LATS2: variants seen among roughly 807,000 people sequenced by gnomAD.
LATS2 encodes the protein large tumor suppressor kinase 2.
A neutral mutation model predicts 76.0 loss-of-function variants in LATS2; 24 were observed. The ratio of observed to expected loss-of-function variants is 0.32; its 90% confidence interval spans 0.23 to 0.44. The LOEUF is 0.44. LATS2 is among the 20% of genes least tolerant of loss of function. The probability of loss-of-function intolerance (pLI) is 1.00; values close to 1 mark genes in which losing one functional copy is unlikely to be tolerated. For synonymous variants in LATS2, 692 were observed against 635.4 expected (o/e 1.09, Z -1.34); for missense variants, 1,286 against 1,481.2 (o/e 0.87, Z 2.16).
At chr13:21,008,315 A>G (rs1002149424) in intron 2 of LATS2, among the ~76,000 whole-genome samples, 1 of 151,526 alleles carries the variant, frequency 6.6e-6, no homozygotes, top group East Asian at 2.0e-4. Flanking sequence ...TTGCTGCTCC[A>G]GACTACAGCC....
At chr13:20,996,192 C>T (rs1208625728) in intron 2 of LATS2, among the ~76,000 whole-genome samples, 1 of 152,102 alleles carries the variant, frequency 6.6e-6, no homozygotes, top group Non-Finnish European at 1.5e-5. Context: ...TCATCAGTGA[C>T]CACTCCATGC....
At chr13:21,023,675 A>C (rs1344894454) in intron 2 of LATS2, among the ~76,000 whole-genome samples, 8 of 24,030 alleles carry the variant, frequency 3.3e-4, no homozygotes, top group South Asian at 2.1e-3. Flanking sequence ...AAAAAAAAAA[A>C]AAAAAAAACA....
chr13:20,992,827 G>C (rs1870564167), intron 2 of LATS2, among the ~76,000 whole-genome samples: 1 of 152,096 alleles, frequency 6.6e-6, no homozygotes, highest in South Asian at 2.1e-4. Flanking sequence ...AAGAGGTCAA[G>C]AGATCGAGAC....
intron 2 of LATS2, among the ~76,000 whole-genome samples, chr13:21,001,874 G>A (rs547008923): frequency 6.0e-5 from 9 of 150,406 alleles, no homozygotes; most frequent in South Asian, 2.2e-4. Flanking sequence ...GTGAGACTCC[G>A]TCTCAAAAAA....
At chr13:20,983,110 CAG>C (rs1466972090) in intron 5 of LATS2, 112 bp downstream of exon 5, 2 of 651,904 alleles carry the variant, frequency 3.1e-6, no homozygotes, top group Non-Finnish European at 5.3e-6. Context: ...AATGGAGTGA[CAG>C]ATAAAAATTT....
At chr13:21,043,084 A>G (rs1413280352) in intron 2 of LATS2, among the ~76,000 whole-genome samples, 5 of 152,298 alleles carry the variant, frequency 3.3e-5, no homozygotes, top group African/African-American at 1.2e-4. Context: ...CTGTAATCCC[A>G]GCACCTTGGG....
intron 2 of LATS2, among the ~76,000 whole-genome samples, chr13:21,044,356 T>C (rs937932969): frequency 6.6e-6 from 1 of 152,222 alleles, no homozygotes; most frequent in African/African-American, 2.4e-5. Flanking sequence ...ACCAGGAGTA[T>C]GTAATTAGGT....
chr13:21,056,122 T>C (rs1400423338), intron 1 of LATS2, among the ~76,000 whole-genome samples: 1 of 152,226 alleles, frequency 6.6e-6, no homozygotes, highest in Non-Finnish European at 1.5e-5. Context: ...AGGTCTCACC[T>C]AGGTAGAATT....
chr13:21,011,510 C>T (rs1871591586), intron 2 of LATS2, among the ~76,000 whole-genome samples: 1 of 152,218 alleles, frequency 6.6e-6, no homozygotes, highest in Non-Finnish European at 1.5e-5. Context: ...TCCAGCAACA[C>T]TTTCTCTGAG....
chr13:21,043,246 G>C (rs565333184), intron 2 of LATS2, among the ~76,000 whole-genome samples: 155 of 151,106 alleles, frequency 1.0e-3, no homozygotes, highest in Non-Finnish European at 2.0e-3. Context: ...GCTGAGGCAG[G>C]AGAATCACTT....
At position 20,979,678 on chromosome 13, in the gene LATS2, C is replaced by T. The variant is rs1381946203; in HGVS notation, c.2772+13G>A. ...GTCTACAGCAAGCAGATGCGTGGTT[C>T]CTCTCACATTACCTTCAGCTGGGTT... On this transcript the variant is annotated intron_variant, in intron 7 of 7. Transcript: ENST00000382592. 1 of 1,483,944 alleles carries T rather than the reference C, an allele frequency of 6.7e-7. No homozygotes were observed. Among genetic ancestry groups the T allele is most frequent in the Non-Finnish European group, 9.4e-7 (1 of 1,062,464 alleles). 91.9% of individuals were successfully genotyped at this position (1,483,944 alleles called of 1,614,324 possible).
chr13:20,975,398 T>C (rs1361823536), intron 7 of LATS2, 34 bp from the exon 8 acceptor site: 7 of 1,520,092 alleles, frequency 4.6e-6, no homozygotes, highest in Non-Finnish European at 6.2e-6. Flanking sequence ...GGTTAGTTTC[T>C]CCTCACATCT....
chr13:20,990,461 A>ATTTTTTTTTTTTTTTTTTTT (rs35074574), intron 3 of LATS2, among the ~76,000 whole-genome samples: 1 of 94,522 alleles, frequency 1.1e-5, no homozygotes, highest in African/African-American at 4.1e-5. Flanking sequence ...AATTACTAGG[A>ATTTTTTTTTTTTTTTTTTTT]TTTTTTTTTT....
intron 4 of LATS2, among the ~76,000 whole-genome samples, chr13:20,985,470 G>A (rs1383886193): frequency 2.0e-5 from 3 of 152,228 alleles, no homozygotes; most frequent in Non-Finnish European, 4.4e-5. Flanking sequence ...CAGATATGGT[G>A]GCTCACGCCT....
intron 2 of LATS2, among the ~76,000 whole-genome samples, chr13:20,994,854 C>CAAAAA (rs34133833): frequency 6.9e-6 from 1 of 144,420 alleles, no homozygotes; most frequent in East Asian, 2.0e-4. Flanking sequence ...GAATGTGTCT[C>CAAAAA]AAAAAAAAAA....
intron 4 of LATS2, 138 bp from the exon 5 acceptor site, chr13:20,983,944 C>T (rs1464586929): frequency 1.5e-6 from 1 of 673,688 alleles, no homozygotes; most frequent in East Asian, 2.7e-5. Context: ...GAATGGGTCT[C>T]ATATACTACA....
At chr13:21,060,959 G>C (rs905592692) in intron 1 of LATS2, among the ~76,000 whole-genome samples, 2 of 151,360 alleles carry the variant, frequency 1.3e-5, no homozygotes, top group Non-Finnish European at 3.0e-5. Flanking sequence ...ACGGCCTTTC[G>C]GGTCTAGGAC....
chr13:21,060,379 C>T (rs1003857209), intron 1 of LATS2, among the ~76,000 whole-genome samples: 2 of 152,258 alleles, frequency 1.3e-5, no homozygotes. Flanking sequence ...AAACCCCCCA[C>T]ACGTCGCTAA....
At chr13:21,000,401 T>C (rs1036887308) in intron 2 of LATS2, among the ~76,000 whole-genome samples, 1 of 151,804 alleles carries the variant, frequency 6.6e-6, no homozygotes, top group Non-Finnish European at 1.5e-5. Context: ...ATAATAATAA[T>C]AAAGATAAAT....
Sources: gnomAD v4.1 joint callset for allele counts (sites outside exome capture counted in the v4.1 genomes callset) on GRCh38, gnomAD v4.1.1 for gene constraint, MANE v1.5 for transcripts, NCBI Gene and HGNC (gene_info 2026-07-23, HGNC 2026-07-21) for gene names.